AUTS2: variants seen among roughly 807,000 people sequenced by gnomAD.
AUTS2 encodes activator of transcription and developmental regulator AUTS2.
A neutral mutation model predicts 112.4 loss-of-function variants in AUTS2; 17 were observed. The ratio of observed to expected loss-of-function variants is 0.15; its 90% confidence interval spans 0.10 to 0.23. The LOEUF (loss-of-function observed/expected upper bound fraction) is 0.23, where lower values mean the gene tolerates loss of function less well. AUTS2 is among the 10% of genes least tolerant of loss of function. The pLI is 1.00. For missense variants in AUTS2, 1,510 were observed against 1,701.6 expected (o/e 0.89, Z 1.98); for synonymous variants, 751 against 702.7 (o/e 1.07, Z -1.09).
chr7:69,667,098 C>T (rs749098813), intron 1 of AUTS2, among the ~76,000 whole-genome samples: 4 of 152,074 alleles, frequency 2.6e-5, no homozygotes, highest in African/African-American at 4.8e-5. Context: ...TCTACAAAGT[C>T]CTGAGGTGGC....
At chr7:70,679,333 C>T (rs1421563333) in intron 5 of AUTS2, among the ~76,000 whole-genome samples, 2 of 152,004 alleles carry the variant, frequency 1.3e-5, no homozygotes, top group African/African-American at 4.8e-5. Context: ...GGGGAAGTGC[C>T]CAGAGAGAAG....
At chr7:70,245,890 A>G (rs546684351) in intron 4 of AUTS2, among the ~76,000 whole-genome samples, 1 of 152,122 alleles carries the variant, frequency 6.6e-6, no homozygotes, top group East Asian at 1.9e-4. Flanking sequence ...CCACATTTTC[A>G]TGAATACTCT....
intron 2 of AUTS2, among the ~76,000 whole-genome samples, chr7:69,923,891 A>G (rs891411709): frequency 2.0e-5 from 3 of 152,144 alleles, no homozygotes; most frequent in Non-Finnish European, 4.4e-5. Context: ...TTTTTAGTGA[A>G]TAGAAGCAGC....
chr7:69,727,895 C>G (rs1293380763), intron 1 of AUTS2, among the ~76,000 whole-genome samples: 3 of 152,136 alleles, frequency 2.0e-5, no homozygotes, highest in African/African-American at 7.2e-5. Context: ...TACAAAATCC[C>G]TTGATACCCA....
intron 6 of AUTS2, among the ~76,000 whole-genome samples, chr7:70,734,204 C>A (rs1389010194): frequency 6.6e-6 from 1 of 151,984 alleles, no homozygotes; most frequent in Non-Finnish European, 1.5e-5. Context: ...CTTTGGGAGG[C>A]CGAGGCGGGC....
At chr7:70,173,297 C>CT (rs1032145769) in intron 4 of AUTS2, among the ~76,000 whole-genome samples, 8 of 150,974 alleles carry the variant, frequency 5.3e-5, no homozygotes, top group Non-Finnish European at 8.8e-5. Flanking sequence ...GGAGGCGGAG[C>CT]TTGCAGTGAG....
intron 5 of AUTS2, among the ~76,000 whole-genome samples, chr7:70,613,010 C>T (rs933180316): frequency 2.6e-5 from 4 of 151,876 alleles, no homozygotes; most frequent in Non-Finnish European, 1.5e-5. Context: ...ATCATGCAGG[C>T]GACATCAGAG....
chr7:69,951,872 T>C (rs2129546030), intron 2 of AUTS2, among the ~76,000 whole-genome samples: 1 of 152,294 alleles, frequency 6.6e-6, no homozygotes, highest in Middle Eastern at 3.4e-3. Context: ...ATTTGTGTGT[T>C]GGGTCCATTT....
chr7:69,664,651 C>G (rs1359329404), intron 1 of AUTS2, among the ~76,000 whole-genome samples: 3 of 152,124 alleles, frequency 2.0e-5, no homozygotes, highest in Non-Finnish European at 2.9e-5. Context: ...ACTAAGAAAA[C>G]CTGCAAATCA....
At chr7:70,085,467 C>T (rs938284559) in intron 2 of AUTS2, among the ~76,000 whole-genome samples, 2 of 151,714 alleles carry the variant, frequency 1.3e-5, no homozygotes, top group African/African-American at 4.8e-5. Flanking sequence ...TGTGTTCAAG[C>T]AATTATCCCT....
intron 5 of AUTS2, chr7:70,436,480 G>C (rs1003862862): frequency 1.3e-5 from 2 of 152,204 alleles, no homozygotes; most frequent in African/African-American, 4.8e-5. Context: ...CTGAAGCAAA[G>C]GGATTATTTG....
At chr7:70,669,804 T>C (rs1807542312) in intron 5 of AUTS2, among the ~76,000 whole-genome samples, 1 of 152,210 alleles carries the variant, frequency 6.6e-6, no homozygotes, top group African/African-American at 2.4e-5. Context: ...TGAGGATGCT[T>C]CAGCATTGTA....
intron 1 of AUTS2, among the ~76,000 whole-genome samples, chr7:69,866,705 C>T (rs1793250128): frequency 6.6e-6 from 1 of 152,188 alleles, no homozygotes; most frequent in South Asian, 2.1e-4. Flanking sequence ...TGTACACTTA[C>T]AGCAGAAGAC....
At chr7:70,411,675 C>A (rs1025008707) in intron 4 of AUTS2, among the ~76,000 whole-genome samples, 1 of 152,056 alleles carries the variant, frequency 6.6e-6, no homozygotes, top group Non-Finnish European at 1.5e-5. Flanking sequence ...TAATTAGAGT[C>A]AGATATTTTC....
At chr7:69,869,812 TATC>T (rs1379945823) in intron 1 of AUTS2, among the ~76,000 whole-genome samples, 1 of 152,210 alleles carries the variant, frequency 6.6e-6, no homozygotes, top group African/African-American at 2.4e-5. Context: ...ATGCAGTTGA[TATC>T]ATTCAGGCCT....
chr7:69,736,186 A>C (rs1021157702), intron 1 of AUTS2, among the ~76,000 whole-genome samples: 13 of 152,206 alleles, frequency 8.5e-5, no homozygotes, highest in South Asian at 8.3e-4. Context: ...TTTAACCCCC[A>C]GTCTGTCTCG....
chr7:69,955,124 G>C (rs1797165886), intron 2 of AUTS2, among the ~76,000 whole-genome samples: 1 of 152,164 alleles, frequency 6.6e-6, no homozygotes, highest in African/African-American at 2.4e-5. Context: ...ATATTAAGAA[G>C]GGGTGTTTTT....
chr7:70,381,584 G>A (rs1244328418), intron 4 of AUTS2, among the ~76,000 whole-genome samples: 1 of 152,136 alleles, frequency 6.6e-6, no homozygotes, highest in Non-Finnish European at 1.5e-5. Context: ...AATGATGAGG[G>A]ATTTGAAGAT....
rs574663296 is a variant in AUTS2, at chr7:70,716,486, A to G, written c.742+17866A>G. 4.6e-5 allele frequency among the ~76,000 whole-genome samples: 7 copies of G among 152,048 alleles called. No individual in the cohort carries two copies. The South Asian group carries it at 1.5e-3, about 32-fold the overall frequency. The stretch of plus-strand genomic sequence containing the variant: ...ATCTCTACTAAATATACAAAAAATT[A>G]GCCGGATGTGGTGGCAGGCGCCTGT... On this transcript the variant is annotated intron_variant, in intron 6 of 18. Transcript: ENST00000342771.
Sources: allele counts gnomAD v4.1 joint callset (sites outside exome capture counted in the v4.1 genomes callset), GRCh38; gene constraint gnomAD v4.1.1; transcripts MANE v1.5; gene names NCBI Gene and HGNC (gene_info 2026-07-23, HGNC 2026-07-21).